The following NXPE2 variants were observed in gnomAD, a reference collection of about 807,000 sequenced individuals.
NXPE2 encodes neurexophilin and PC-esterase domain family member 2, also known as NXPE family member 2.
NXPE2 carries 34 observed loss-of-function variants against 34.4 expected under a neutral mutation model. The observed-to-expected ratio is 0.99, with a 90% CI of 0.75 to 1.31. The LOEUF is 1.31. Ranked by LOEUF, NXPE2 falls within the 40% of genes most tolerant of loss-of-function variation. The pLI, the probability that NXPE2 is intolerant of heterozygous loss-of-function variation, is 0.00. For missense variants in NXPE2, 649 were observed against 672.5 expected (o/e 0.97, Z 0.39); for synonymous variants, 235 against 231.3 (o/e 1.02, Z -0.15).
chr11:114,569,857 T>G, the NXPE2 span, among the ~76,000 whole-genome samples: 2 of 152,098 alleles, frequency 1.3e-5, no homozygotes, highest in Non-Finnish European at 2.9e-5. Flanking sequence ...ACACTCAAGT[T>G]AAAAGGGAGT....
chr11:114,552,165 A>G, the NXPE2 span: 1 of 152,316 alleles, frequency 6.6e-6, no homozygotes, highest in Non-Finnish European at 1.5e-5. Context: ...AGATGAAATT[A>G]TTTTAAACAA....
chr11:114,801,463 T>C, the NXPE2 span, among the ~76,000 whole-genome samples: 1 of 152,196 alleles, frequency 6.6e-6, no homozygotes, highest in South Asian at 2.1e-4. Flanking sequence ...TAGAGTCTTG[T>C]AGACCATGAT....
At chr11:114,605,419 T>A in the NXPE2 span, among the ~76,000 whole-genome samples, 2 of 151,756 alleles carry the variant, frequency 1.3e-5, no homozygotes, top group East Asian at 3.9e-4. Context: ...ATAATAAGTA[T>A]TGCCTCGTGC....
the NXPE2 span, among the ~76,000 whole-genome samples, chr11:114,654,451 T>C: frequency 6.6e-6 from 1 of 151,960 alleles, no homozygotes. Flanking sequence ...TATTGACCCA[T>C]CTTCTATGTG....
At chr11:114,665,087 A>G in the NXPE2 span, among the ~76,000 whole-genome samples, 1 of 152,160 alleles carries the variant, frequency 6.6e-6, no homozygotes, top group African/African-American at 2.4e-5. Flanking sequence ...TTATATTCCC[A>G]TTTATCAAAC....
At chr11:114,483,155 T>C in the NXPE2 span, among the ~76,000 whole-genome samples, 2 of 152,208 alleles carry the variant, frequency 1.3e-5, no homozygotes, top group Admixed American at 6.5e-5. Flanking sequence ...ACAATTTCAA[T>C]ATATAGATTT....
chr11:114,500,631 C>T, the NXPE2 span, among the ~76,000 whole-genome samples: 1 of 152,028 alleles, frequency 6.6e-6, no homozygotes, highest in African/African-American at 2.4e-5. Context: ...TCATTTTTAT[C>T]ACTTTTTCTT....
At chr11:114,513,040 C>A in the NXPE2 span, 3 of 433,134 alleles carry the variant, frequency 6.9e-6, no homozygotes, top group East Asian at 5.8e-5. Context: ...TATCTGACCC[C>A]CCCCAGAACA....
At chr11:114,486,972 A>T in the NXPE2 span, among the ~76,000 whole-genome samples, 6 of 151,926 alleles carry the variant, frequency 3.9e-5, no homozygotes, top group Non-Finnish European at 5.9e-5. Context: ...TAGCTTTGCT[A>T]TTCTGGGTCT....
chr11:114,756,914 C>T, the NXPE2 span, among the ~76,000 whole-genome samples: 2 of 152,042 alleles, frequency 1.3e-5, no homozygotes, highest in African/African-American at 4.8e-5. Flanking sequence ...GCCTACGTTC[C>T]TCTTGTTTTC....
the NXPE2 span, among the ~76,000 whole-genome samples, chr11:114,639,610 G>T: frequency 6.8e-6 from 1 of 148,062 alleles, no homozygotes; most frequent in Non-Finnish European, 1.5e-5. Flanking sequence ...GGCCATCTTG[G>T]CTGCCCCACC....
the NXPE2 span, among the ~76,000 whole-genome samples, chr11:114,798,968 G>A: frequency 6.6e-6 from 1 of 152,204 alleles, no homozygotes; most frequent in Non-Finnish European, 1.5e-5. Flanking sequence ...TATAGCAGGC[G>A]TGGACTCCTT....
At chr11:114,636,768 T>C in the NXPE2 span, among the ~76,000 whole-genome samples, 139 of 152,106 alleles carry the variant, frequency 9.1e-4, 2 homozygotes, top group Non-Finnish European at 1.8e-3. Flanking sequence ...TGTAGTTGAG[T>C]AGTTTTGAGT....
At chr11:114,616,758 GATA>G in the NXPE2 span, among the ~76,000 whole-genome samples, 1 of 151,638 alleles carries the variant, frequency 6.6e-6, no homozygotes, top group Non-Finnish European at 1.5e-5. Flanking sequence ...TTAACCGGTG[GATA>G]ATAAGTGTTG....
At chr11:114,695,519 C>A (rs1951233232) in intron 2 of NXPE2, among the ~76,000 whole-genome samples, 1 of 152,106 alleles carries the variant, frequency 6.6e-6, no homozygotes, top group Non-Finnish European at 1.5e-5. Flanking sequence ...CTCTAGTAAC[C>A]TAGTTCCCCT....
chr11:114,662,895 A>C, the NXPE2 span, among the ~76,000 whole-genome samples: 10 of 152,178 alleles, frequency 6.6e-5, no homozygotes, highest in Non-Finnish European at 1.2e-4. Flanking sequence ...AACCGGCAGC[A>C]ATACCCAGGT....
At chr11:114,687,787 G>A (rs1951075875) in intron 2 of NXPE2, among the ~76,000 whole-genome samples, 1 of 151,930 alleles carries the variant, frequency 6.6e-6, no homozygotes. Context: ...TCAACGTTTT[G>A]TAGTTCCCCT....
At chr11:114,523,111 T>C in the NXPE2 span, 2 of 1,572,656 alleles carry the variant, frequency 1.3e-6, no homozygotes, top group South Asian at 2.2e-5. Context: ...AAGACACTCG[T>C]AAATGATTTT....
chr11:114,627,825 A>G, the NXPE2 span, among the ~76,000 whole-genome samples: 2 of 151,756 alleles, frequency 1.3e-5, no homozygotes, highest in South Asian at 4.2e-4. Flanking sequence ...ATGGAGGAAG[A>G]TCTACCAAGC....
Sources: allele counts gnomAD v4.1 joint callset (sites outside exome capture counted in the v4.1 genomes callset), GRCh38; gene constraint gnomAD v4.1.1; transcripts MANE v1.5; gene names NCBI Gene and HGNC (gene_info 2026-07-23, HGNC 2026-07-21).